The following ASIC2 variants were observed in gnomAD, a reference collection of about 807,000 sequenced individuals.
The protein encoded by ASIC2 is acid sensing ion channel subunit 2.
ASIC2 carries 25 observed loss-of-function variants against 57.3 expected under a neutral mutation model. That is an observed-to-expected ratio of 0.44 (90% CI 0.32 to 0.61). The LOEUF (loss-of-function observed/expected upper bound fraction) is 0.61. ASIC2 is among the 20% of genes least tolerant of loss of function. ASIC2 has a pLI of 0.06. For synonymous variants in ASIC2, 319 were observed against 307.5 expected (o/e 1.04, Z -0.39); for missense variants, 641 against 738.1 (o/e 0.87, Z 1.52).
intron 1 of ASIC2, among the ~76,000 whole-genome samples, chr17:33,763,297 G>C (rs187414029): frequency 1.3e-5 from 2 of 152,300 alleles, no homozygotes; most frequent in African/African-American, 4.8e-5. Context: ...AATGAGTGGA[G>C]GAAGAACACA....
intron 1 of ASIC2, among the ~76,000 whole-genome samples, chr17:33,705,531 G>A (rs927826430): frequency 6.6e-6 from 1 of 152,180 alleles, no homozygotes; most frequent in Non-Finnish European, 1.5e-5. Context: ...CATTATAAGA[G>A]GAAGGCAGAC....
intron 1 of ASIC2, among the ~76,000 whole-genome samples, chr17:33,671,071 C>A (rs1165209485): frequency 6.6e-6 from 1 of 152,144 alleles, no homozygotes; most frequent in Non-Finnish European, 1.5e-5. Context: ...TCTGGCTTTA[C>A]CTCTTATCTA....
At chr17:33,297,701 G>A (rs1286496459), upstream of ASIC2, among the ~76,000 whole-genome samples, 1 of 151,958 alleles carries the variant, frequency 6.6e-6, no homozygotes, top group Non-Finnish European at 1.5e-5. Context: ...GTGCACGTCT[G>A]TAGTTCTAGT....
chr17:33,968,306 G>A (rs899249209), intron 1 of ASIC2, among the ~76,000 whole-genome samples: 6 of 152,212 alleles, frequency 3.9e-5, no homozygotes, highest in Non-Finnish European at 7.3e-5. Context: ...CAGGCCTGGT[G>A]TCTGGCGAGA....
intron 1 of ASIC2, among the ~76,000 whole-genome samples, chr17:33,427,207 T>C (rs1331284444): frequency 6.6e-6 from 1 of 152,148 alleles, no homozygotes; most frequent in African/African-American, 2.4e-5. Context: ...AGTGTAATGA[T>C]TGGATTCACA....
intron 1 of ASIC2, among the ~76,000 whole-genome samples, chr17:33,143,017 T>G (rs950647664): frequency 6.6e-6 from 1 of 152,184 alleles, no homozygotes; most frequent in African/African-American, 2.4e-5. Flanking sequence ...AAGGGCTTAG[T>G]GATGAGCTGC....
At chr17:33,823,044 A>G (rs1428202767) in intron 1 of ASIC2, among the ~76,000 whole-genome samples, 1 of 152,214 alleles carries the variant, frequency 6.6e-6, no homozygotes, top group African/African-American at 2.4e-5. Flanking sequence ...ACCCGAGTTC[A>G]ATTCTGGACT....
chr17:33,118,965 C>T (rs1024567911), intron 1 of ASIC2, among the ~76,000 whole-genome samples: 1 of 152,120 alleles, frequency 6.6e-6, no homozygotes, highest in African/African-American at 2.4e-5. Flanking sequence ...TTGGGAAATG[C>T]AAAGTGGAGC....
At chr17:33,484,883 C>T (rs753075168) in intron 1 of ASIC2, among the ~76,000 whole-genome samples, 18 of 152,248 alleles carry the variant, frequency 1.2e-4, no homozygotes, top group South Asian at 2.1e-4. Context: ...TACACCCCTA[C>T]GTGTAATTAA....
intron 1 of ASIC2, chr17:33,572,251 G>C (rs1358293756): frequency 6.6e-6 from 1 of 152,074 alleles, no homozygotes; most frequent in Non-Finnish European, 1.5e-5. Flanking sequence ...GCCTCAGAGA[G>C]AGCCCACAAG....
intron 3 of ASIC2, among the ~76,000 whole-genome samples, chr17:33,058,744 C>T (rs1345967830): frequency 6.6e-6 from 1 of 151,968 alleles, no homozygotes. Context: ...TGCTCATTAC[C>T]CCTGATGCAG....
intron 2 of ASIC2, among the ~76,000 whole-genome samples, chr17:33,102,547 G>C (rs866431451): frequency 2.5e-4 from 38 of 152,120 alleles, no homozygotes; most frequent in African/African-American, 8.7e-4. Context: ...TGTTATATTA[G>C]TCCTTTGACA....
chr17:33,762,910 C>T (rs1296682044), intron 1 of ASIC2, among the ~76,000 whole-genome samples: 1 of 152,114 alleles, frequency 6.6e-6, no homozygotes, highest in African/African-American at 2.4e-5. Context: ...GGCCTTGGCT[C>T]CTGTCAGATA....
chr17:33,102,775 T>A (rs1224367198), intron 2 of ASIC2, among the ~76,000 whole-genome samples: 2 of 152,142 alleles, frequency 1.3e-5, no homozygotes, highest in African/African-American at 2.4e-5. Flanking sequence ...TATTTGTTTG[T>A]TTGTTTGTTT....
chr17:34,150,434 A>C (rs1002095285), intron 1 of ASIC2, among the ~76,000 whole-genome samples: 7 of 152,196 alleles, frequency 4.6e-5, no homozygotes, highest in Non-Finnish European at 7.4e-5. Flanking sequence ...ATATGAGGTA[A>C]TACATATGTT....
chr17:34,076,115 G>A (rs543301495), intron 1 of ASIC2, among the ~76,000 whole-genome samples: 6 of 151,994 alleles, frequency 3.9e-5, no homozygotes, highest in African/African-American at 1.4e-4. Context: ...TCATTCTCCT[G>A]CCTCAGCCTT....
chr17:33,896,931 G>T (rs1473370019), intron 1 of ASIC2, among the ~76,000 whole-genome samples: 1 of 152,176 alleles, frequency 6.6e-6, no homozygotes, highest in African/African-American at 2.4e-5. Flanking sequence ...TTCTACAAAA[G>T]CCAGACATCC....
chr17:33,458,041 G>A (rs2141994076), intron 1 of ASIC2, among the ~76,000 whole-genome samples: 1 of 146,794 alleles, frequency 6.8e-6, no homozygotes, highest in African/African-American at 2.5e-5. Context: ...GATTCTGACA[G>A]GGGTGATTGC....
intron 1 of ASIC2, among the ~76,000 whole-genome samples, chr17:34,014,970 G>T (rs150823359): frequency 1.5e-4 from 23 of 149,458 alleles, no homozygotes; most frequent in African/African-American, 5.4e-4. Context: ...CTGAATCCTC[G>T]ACCTCACAGG....
Sources: gnomAD v4.1 joint callset for allele counts (sites outside exome capture counted in the v4.1 genomes callset) on GRCh38, gnomAD v4.1.1 for gene constraint, MANE v1.5 for transcripts, NCBI Gene and HGNC (gene_info 2026-07-23, HGNC 2026-07-21) for gene names.